The following CRADD variants were observed in gnomAD, a reference collection of about 807,000 sequenced individuals.
CRADD encodes death domain-containing protein CRADD.
CRADD carries 9 observed loss-of-function variants against 15.5 expected under a neutral mutation model. The ratio of observed to expected loss-of-function variants is 0.58; its 90% CI spans 0.35 to 1.01. The LOEUF (loss-of-function observed/expected upper bound fraction) is 1.01, where lower values mean the gene tolerates loss of function less well. Ranked by LOEUF, CRADD falls within the 50% of genes least tolerant of loss-of-function variation. The pLI is 0.02. For missense variants in CRADD, 227 were observed against 250.3 expected, an observed-to-expected ratio of 0.91 and a Z score of 0.63; for synonymous variants, 118 against 107.6, an observed-to-expected ratio of 1.10 and a Z score of -0.60.
chr12:93,706,728 A>G (rs1955959228), intron 2 of CRADD, among the ~76,000 whole-genome samples: 2 of 152,220 alleles, frequency 1.3e-5, no homozygotes, highest in African/African-American at 4.8e-5. Context: ...GGAGAGGACT[A>G]TTTGCAATTG....
intron 2 of CRADD, among the ~76,000 whole-genome samples, chr12:93,857,536 T>C (rs1473701495): frequency 6.6e-6 from 1 of 152,208 alleles, no homozygotes; most frequent in Non-Finnish European, 1.5e-5. Context: ...GAATATTTCT[T>C]TGAATATAAA....
chr12:93,742,468 C>T (rs1411205943), intron 2 of CRADD, among the ~76,000 whole-genome samples: 1 of 150,938 alleles, frequency 6.6e-6, no homozygotes, highest in East Asian at 1.9e-4. Context: ...CCCCGGCTGC[C>T]CAGCCCAGCG....
At chr12:93,857,393 C>T (rs146513104) in intron 2 of CRADD, among the ~76,000 whole-genome samples, 24 of 152,276 alleles carry the variant, frequency 1.6e-4, no homozygotes, top group East Asian at 3.9e-4. Context: ...GTCTTCAGCA[C>T]GACTCATCAG....
chr12:93,828,893 T>A (rs1466958051), intron 2 of CRADD, among the ~76,000 whole-genome samples: 1 of 152,190 alleles, frequency 6.6e-6, no homozygotes, highest in African/African-American at 2.4e-5. Flanking sequence ...TTGGAAGTCA[T>A]TTTGATCGGG....
chr12:93,762,183 T>G (rs554316640), intron 2 of CRADD, among the ~76,000 whole-genome samples: 1 of 152,340 alleles, frequency 6.6e-6, no homozygotes, highest in East Asian at 1.9e-4. Context: ...CATGATAGCT[T>G]CTAAATAAAG....
At chr12:93,793,862 T>G (rs1412242968) in intron 2 of CRADD, among the ~76,000 whole-genome samples, 1 of 152,196 alleles carries the variant, frequency 6.6e-6, no homozygotes, top group Non-Finnish European at 1.5e-5. Context: ...CTACTTCATT[T>G]CTCTGCTCTT....
rs1955503003 is a variant in CRADD at position 93,689,028 on chromosome 12, T to A, written c.298+9956T>A. 4.6e-5 allele frequency among the ~76,000 whole-genome samples: 7 copies of A among 152,248 alleles called. No homozygotes were observed. The South Asian group carries it at 1.5e-3, about 32-fold the overall frequency. ...TGGTTGGGGGAAGGCTAGGGTCTAA[T>A]GGAAGACCATACGGTGGGGAGGGGT... On this transcript the variant is annotated intron_variant, in intron 2 of 2. Transcript: ENST00000332896.
downstream of CRADD, among the ~76,000 whole-genome samples, chr12:93,853,498 T>C (rs1958245100): frequency 6.6e-6 from 1 of 152,206 alleles, no homozygotes; most frequent in South Asian, 2.1e-4. Context: ...TGACAATAAG[T>C]ATAGCAATGT....
At chr12:93,723,785 T>A (rs969901017) in intron 2 of CRADD, among the ~76,000 whole-genome samples, 12 of 152,220 alleles carry the variant, frequency 7.9e-5, no homozygotes, top group African/African-American at 2.7e-4. Flanking sequence ...GCCTCTGGAC[T>A]GTGAACTTCA....
At chr12:93,854,081 C>T (rs1295193620), downstream of CRADD, among the ~76,000 whole-genome samples, 1 of 152,162 alleles carries the variant, frequency 6.6e-6, no homozygotes, top group Non-Finnish European at 1.5e-5. Context: ...AGCAAACTAC[C>T]CCCAAGATGT....
intron 2 of CRADD, among the ~76,000 whole-genome samples, chr12:93,798,930 G>C (rs1957448898): frequency 6.6e-6 from 1 of 152,056 alleles, no homozygotes; most frequent in Non-Finnish European, 1.5e-5. Flanking sequence ...CCTGTAGCCT[G>C]GCTCTCTTAC....
intron 2 of CRADD, among the ~76,000 whole-genome samples, chr12:93,822,523 C>T (rs1218431582): frequency 1.3e-5 from 2 of 152,142 alleles, no homozygotes; most frequent in African/African-American, 4.8e-5. Context: ...AGACCTCATC[C>T]TAGTGGTGAT....
At chr12:93,877,579 C>G (rs1958466142) in intron 2 of CRADD, among the ~76,000 whole-genome samples, 2 of 152,222 alleles carry the variant, frequency 1.3e-5, no homozygotes, top group South Asian at 4.1e-4. Context: ...AGTCCTTCCT[C>G]CTCTTCCTTT....
intron 2 of CRADD, among the ~76,000 whole-genome samples, chr12:93,792,660 C>T (rs550535162): frequency 6.6e-6 from 1 of 152,156 alleles, no homozygotes; most frequent in South Asian, 2.1e-4. Context: ...TTAATATATG[C>T]CAGGTACTGT....
chr12:93,724,841 C>CTTA (rs543856034), intron 2 of CRADD, among the ~76,000 whole-genome samples: 3,109 of 151,180 alleles, frequency 0.021, 78 homozygotes, highest in East Asian at 0.091. Context: ...AAAGAACAGA[C>CTTA]TTATTATTAT....
chr12:93,750,853 A>G (rs771466089), intron 2 of CRADD, among the ~76,000 whole-genome samples: 2 of 152,230 alleles, frequency 1.3e-5, no homozygotes, highest in Non-Finnish European at 2.9e-5. Flanking sequence ...AGATGTCACA[A>G]TAAGGGAAAT....
chr12:93,838,564 CTT>C (rs796681947), intron 2 of CRADD, among the ~76,000 whole-genome samples: 14 of 60,694 alleles, frequency 2.3e-4, no homozygotes, highest in South Asian at 4.8e-4. Context: ...CTTTCTCTCT[CTT>C]TTTTTTTTTT....
intron 2 of CRADD, among the ~76,000 whole-genome samples, chr12:93,711,004 A>T (rs886078018): frequency 6.7e-6 from 1 of 150,018 alleles, no homozygotes; most frequent in Non-Finnish European, 1.5e-5. Flanking sequence ...GCCACAGCTG[A>T]AGATGATCAT....
In CRADD at chr12:93,858,391, G is replaced by A. The variant is rs117289902; in HGVS notation, c.299-35659G>A. ...CTTCAGAGTATGCAAAGCCTGTGTG[G>A]TCCTTGGCAATTAGCCAGTTCCTAC... On this transcript the variant is annotated intron_variant, in intron 2 of 2. Transcript: ENST00000548483. Among the ~76,000 whole-genome samples, 48 of 152,308 alleles carry A rather than the reference G, an allele frequency of 3.2e-4. No individual in the cohort carries two copies. In the East Asian group the frequency reaches 9.1e-3, roughly 29 times the overall value.
Sources: gnomAD v4.1 joint callset for allele counts (sites outside exome capture counted in the v4.1 genomes callset) on GRCh38, gnomAD v4.1.1 for gene constraint, MANE v1.5 for transcripts, NCBI Gene and HGNC (gene_info 2026-07-23, HGNC 2026-07-21) for gene names.